EPHA7: variants seen among roughly 807,000 people sequenced by gnomAD.
EPHA7 encodes the protein EPH receptor A7.
EPHA7 carries 25 observed loss-of-function variants against 112.6 expected under a neutral mutation model. That is an observed-to-expected ratio of 0.22 (90% CI 0.16 to 0.31). The LOEUF is 0.31. EPHA7 is among the 10% of genes least tolerant of loss of function. The pLI is 1.00. For synonymous variants in EPHA7, 437 were observed against 406.5 expected (o/e 1.07, Z -0.90); for missense variants, 962 against 1,212.6 (o/e 0.79, Z 3.07).
At chr6:93,321,752 T>A (rs1449892907) in intron 5 of EPHA7, among the ~76,000 whole-genome samples, 1 of 151,856 alleles carries the variant, frequency 6.6e-6, no homozygotes, top group Non-Finnish European at 1.5e-5. Flanking sequence ...CCACACTGCA[T>A]CAACATTCAT....
chr6:93,412,375 C>A (rs887709806), intron 2 of EPHA7, among the ~76,000 whole-genome samples: 1 of 151,880 alleles, frequency 6.6e-6, no homozygotes, highest in Non-Finnish European at 1.5e-5. Context: ...ATGTTCTGTA[C>A]AATATTAATG....
chr6:93,284,089 TGAAGA>T (rs1396223072), intron 5 of EPHA7, among the ~76,000 whole-genome samples: 2 of 152,202 alleles, frequency 1.3e-5, no homozygotes, highest in South Asian at 2.1e-4. Context: ...CAATAATGGT[TGAAGA>T]GAATGATCAA....
chr6:93,301,311 A>G (rs1772965796), intron 5 of EPHA7, among the ~76,000 whole-genome samples: 1 of 152,222 alleles, frequency 6.6e-6, no homozygotes, highest in Non-Finnish European at 1.5e-5. Context: ...TAATGATCAA[A>G]TAAGAGTAAT....
chr6:93,321,562 T>C (rs551673916), intron 5 of EPHA7, among the ~76,000 whole-genome samples: 1 of 152,030 alleles, frequency 6.6e-6, no homozygotes, highest in African/African-American at 2.4e-5. Context: ...TTAAGTTTAA[T>C]TACAAGACAA....
intron 16 of EPHA7, among the ~76,000 whole-genome samples, chr6:93,244,242 G>A (rs934729872): frequency 6.6e-6 from 1 of 152,076 alleles, no homozygotes. Flanking sequence ...TTTCATGGCA[G>A]TGACTGAGAA....
chr6:93,362,042 C>A (rs2127951234), intron 3 of EPHA7, among the ~76,000 whole-genome samples: 1 of 152,008 alleles, frequency 6.6e-6, no homozygotes, highest in African/African-American at 2.4e-5. Flanking sequence ...ATTTTAATAA[C>A]AGTATTTTTA....
chr6:93,307,724 C>T (rs568461649), intron 5 of EPHA7, among the ~76,000 whole-genome samples: 10 of 152,068 alleles, frequency 6.6e-5, no homozygotes, highest in Admixed American at 2.0e-4. Context: ...CATATTCATA[C>T]AGACCAATCA....
chr6:93,257,509 T>A lies in EPHA7; in HGVS notation c.2125A>T (p.Ile709Leu), dbSNP rs889594472. The A allele has an allele frequency of 1.2e-6, 2 of 1,610,192 alleles. No homozygotes were observed. The highest frequency in any genetic ancestry group is 2.7e-5 in the African/African-American group (2 of 74,658). The part of the protein sequence containing the change: ...GVVTRGKPVM[I>L]VIEFMENGAL... ...CCATTTTCCATGAACTCTATTACTA[T>A]CATGACTGGTTTCCCTAAAATTAAA... The change falls in exon 12 of 17, where the codon ATA (isoleucine) becomes TTA (leucine). Residue 709 changes from isoleucine to leucine, a missense_variant. Coordinates refer to ENST00000369303, the MANE Select transcript of EPHA7 (RefSeq NM_004440.4).
intron 3 of EPHA7, among the ~76,000 whole-genome samples, chr6:93,389,010 A>G (rs1777770654): frequency 6.6e-6 from 1 of 152,080 alleles, no homozygotes; most frequent in Non-Finnish European, 1.5e-5. Flanking sequence ...GACACTCTGT[A>G]AGATAGATAA....
intron 5 of EPHA7, among the ~76,000 whole-genome samples, chr6:93,340,460 G>T (rs578074428): frequency 6.6e-6 from 1 of 151,856 alleles, no homozygotes; most frequent in African/African-American, 2.4e-5. Context: ...AAGTTAAAAA[G>T]AATTTTGAGC....
At chr6:93,378,315 G>C (rs1441769396) in intron 3 of EPHA7, among the ~76,000 whole-genome samples, 1 of 152,002 alleles carries the variant, frequency 6.6e-6, no homozygotes, top group Non-Finnish European at 1.5e-5. Context: ...CTACTGAAGG[G>C]ATTTTAAAAG....
intron 6 of EPHA7, among the ~76,000 whole-genome samples, chr6:93,270,397 T>C (rs1458350884): frequency 6.6e-6 from 1 of 151,400 alleles, no homozygotes; most frequent in Non-Finnish European, 1.5e-5. Context: ...TATGTGCATA[T>C]ATAGTAAGAT....
chr6:93,264,745 C>T (rs748500655), intron 7 of EPHA7, 43 bp from the exon 8 acceptor site: 8 of 1,211,404 alleles, frequency 6.6e-6, no homozygotes, highest in Non-Finnish European at 9.3e-6. Context: ...TGACACCATG[C>T]AAGAACTTGA....
chr6:93,246,367 C>CT (rs1444039615), intron 15 of EPHA7, among the ~76,000 whole-genome samples: 1 of 151,966 alleles, frequency 6.6e-6, no homozygotes, highest in Non-Finnish European at 1.5e-5. Context: ...CTCTTATAAA[C>CT]TTTAACATCA....
chr6:93,291,581 A>G (rs1440987142), intron 5 of EPHA7, among the ~76,000 whole-genome samples: 1 of 150,488 alleles, frequency 6.6e-6, no homozygotes, highest in Non-Finnish European at 1.5e-5. Context: ...ATCCCGGCTA[A>G]AACGGTGAAA....
intron 3 of EPHA7, among the ~76,000 whole-genome samples, 160 bp from the exon 4 acceptor site, chr6:93,358,571 G>A (rs956239327): frequency 5.9e-5 from 9 of 152,190 alleles, no homozygotes; most frequent in Non-Finnish European, 1.2e-4. Context: ...CTAGCCAAAT[G>A]TTATGATAGT....
intron 3 of EPHA7, among the ~76,000 whole-genome samples, chr6:93,390,291 TATG>T (rs1170134844): frequency 6.6e-6 from 1 of 150,598 alleles, no homozygotes; most frequent in African/African-American, 2.4e-5. Flanking sequence ...AGAAAAAAAT[TATG>T]TCAACAAAAC....
In EPHA7 at chr6:93,372,308, A is replaced by AT. The variant is rs372960640; in HGVS notation, c.833-13898dup. Among the ~76,000 whole-genome samples the AT allele has an allele frequency of 2.4e-3, 372 of 152,236 alleles. 2 individuals carry two copies. The highest frequency in any genetic ancestry group is 7.8e-3 in the African/African-American group (324 of 41,576). On this transcript the variant is annotated intron_variant, in intron 3 of 16. Transcript: ENST00000369303. Reference sequence around the variant, plus strand: ...CTATGGCACAGCAAAACAAAGGGTAATACTTGCCAAATATCAGCAATTACA... The same window carrying AT: ...CTATGGCACAGCAAAACAAAGGGTAATTACTTGCCAAATATCAGCAATTACA...
At chr6:93,380,222 T>G (rs1777267717) in intron 3 of EPHA7, among the ~76,000 whole-genome samples, 1 of 152,048 alleles carries the variant, frequency 6.6e-6, no homozygotes, top group Non-Finnish European at 1.5e-5. Context: ...CTCTCATAAT[T>G]CCTGCGCTCC....
Sources: allele counts gnomAD v4.1 joint callset (sites outside exome capture counted in the v4.1 genomes callset), GRCh38; gene constraint gnomAD v4.1.1; transcripts MANE v1.5; gene names NCBI Gene and HGNC (gene_info 2026-07-23, HGNC 2026-07-21).